DDB1: variants seen among roughly 807,000 people sequenced by gnomAD.
DDB1 encodes the protein DNA damage-binding protein 1.
In DDB1, 18 loss-of-function variants were observed where a neutral mutation model predicts 133.1. The observed-to-expected ratio is 0.14, with a 90% CI of 0.09 to 0.20. DDB1 has a LOEUF of 0.20. DDB1 is among the 10% of genes least tolerant of loss of function. The pLI, the probability that DDB1 is intolerant of heterozygous loss-of-function variation, is 1.00. For synonymous variants in DDB1, 580 were observed against 550.5 expected (o/e 1.05, Z -0.75); for missense variants, 828 against 1,459.2 (o/e 0.57, Z 7.05).
At chr11:61,308,089 T>C (rs1457174674) in intron 21 of DDB1, among the ~76,000 whole-genome samples, 1 of 152,186 alleles carries the variant, frequency 6.6e-6, no homozygotes, top group Non-Finnish European at 1.5e-5. Flanking sequence ...TTCAAACCCT[T>C]GCTCAAACCC....
chr11:61,303,725 C>G, intron 22 of DDB1, 140 bp downstream of exon 22: 1 of 239,924 alleles, frequency 4.2e-6, no homozygotes, highest in Non-Finnish European at 7.4e-6. Context: ...AAAAAAAAAA[C>G]TTAATCAATG....
chr11:61,328,400 T>C (rs931225506), intron 4 of DDB1, among the ~76,000 whole-genome samples: 2 of 152,232 alleles, frequency 1.3e-5, no homozygotes, highest in African/African-American at 4.8e-5. Flanking sequence ...TTCAGCCACA[T>C]GCAAATGAAA....
intron 16 of DDB1, among the ~76,000 whole-genome samples, chr11:61,312,401 T>C (rs1380063993): frequency 6.6e-6 from 1 of 152,118 alleles, no homozygotes; most frequent in Non-Finnish European, 1.5e-5. Context: ...CTGGAGGGCT[T>C]GTCAAAACAG....
rs1855998219 is a variant in DDB1 at position 61,312,716 on chromosome 11, A to G, written c.2070-632T>C. Among the ~76,000 whole-genome samples the G allele has an allele frequency of 2.0e-5, 3 of 151,866 alleles. No individual in the cohort carries two copies. In the South Asian group the frequency reaches 6.2e-4, roughly 32 times the overall value. On this transcript the variant is annotated intron_variant, in intron 16 of 26. Transcript: ENST00000301764. ...TGGGTTCAAGTGATTCTCCTGCCTC[A>G]GCCTCCTGAGTAGCTGGGATTACAG...
intron 2 of DDB1, 109 bp from the exon 3 acceptor site, chr11:61,330,183 C>T: frequency 1.2e-6 from 1 of 828,122 alleles, no homozygotes; most frequent in South Asian, 1.8e-5. Flanking sequence ...TTCTTCTCTC[C>T]CTAAAGAGAA....
Position 61,329,405 on chromosome 11 carries a change from G to A in DDB1, c.507C>T (p.Phe169=), listed in dbSNP as rs1856326510. 4 of 1,614,040 alleles carry A rather than the reference G, an allele frequency of 2.5e-6. No homozygotes were observed. In the East Asian group the frequency reaches 6.7e-5, roughly 27 times the overall value. ...LEELHVIDVK[F]LYGCQAPTIC... is the part of the protein sequence containing the mutation. ...TAGTAGGTGCTTGGCAACCATATAG[G>A]AACTTGACATCAATGACATGCAGCT... The change falls in exon 4 of 27, where the codon TTC becomes TTT. Residue 169 remains phenylalanine, a synonymous_variant. Transcript: ENST00000301764.
chr11:61,313,417 A>C, intron 16 of DDB1, 82 bp downstream of exon 16: 1 of 1,275,838 alleles, frequency 7.8e-7, no homozygotes, highest in East Asian at 2.3e-5. Context: ...CACCGGAAAA[A>C]GGCTTTGAGG....
intron 25 of DDB1, 189 bp from the exon 26 acceptor site, chr11:61,301,121 G>GA: frequency 1.3e-6 from 1 of 760,604 alleles, no homozygotes; most frequent in Non-Finnish European, 2.0e-6. Flanking sequence ...TAATCTAATT[G>GA]GTTCTCAATT....
intron 2 of DDB1, among the ~76,000 whole-genome samples, chr11:61,331,057 T>G (rs1241188958): frequency 6.6e-6 from 1 of 152,162 alleles, no homozygotes; most frequent in African/African-American, 2.4e-5. Context: ...ATCTGAAAGG[T>G]GCCTTAAGTG....
At chr11:61,308,542 A>G (rs28720334) in intron 21 of DDB1, among the ~76,000 whole-genome samples, 7,062 of 152,158 alleles carry the variant, frequency 0.046, 502 homozygotes, top group African/African-American at 0.15. Flanking sequence ...CAAGTTGTCC[A>G]TTTTCGATAT....
rs369074861 is a variant in DDB1, at chr11:61,310,277, G to C, written c.2401+18C>G. On this transcript the variant is annotated intron_variant, in intron 19 of 26. Transcript: ENST00000301764. ...AGGGAGGGCGTAGATAAAAATTATCGAAAGAGCTCATGTGCACCTTCAAAG... is the reference window on the plus strand; with the variant it reads ...AGGGAGGGCGTAGATAAAAATTATCCAAAGAGCTCATGTGCACCTTCAAAG... 4.4e-6 allele frequency: 7 copies of C among 1,599,328 alleles called. No individual in the cohort carries two copies. In the Admixed American group the frequency reaches 1.0e-4, roughly 24 times the overall value.
At chr11:61,310,157 TCA>T (rs1161565381) in intron 19 of DDB1, 136 bp downstream of exon 19, 1 of 1,395,694 alleles carries the variant, frequency 7.2e-7, no homozygotes, top group African/African-American at 1.4e-5. Flanking sequence ...CACTGCCATC[TCA>T]CAGAATTCCC....
At position 61,314,421 on chromosome 11, in the gene DDB1, C is replaced by T; in HGVS notation, c.1476G>A (p.Glu492=). ...EPKALVSEWK[E]PQAKNISVAS... ...CCACACTGATGTTCTTGGCCTGAGG[C>T]TCCTTCCATTCACTGACCAGAGCTT... Residue 492 remains glutamate (E), a synonymous_variant, in exon 13 of 27, where the codon GAG becomes GAA. Coordinates refer to ENST00000301764, the MANE Select transcript of DDB1 (RefSeq NM_001923.5). 1.2e-6 allele frequency: 2 copies of T among 1,614,234 alleles called. No homozygotes were observed. Among genetic ancestry groups the T allele is most frequent in the Non-Finnish European group, 1.7e-6 (2 of 1,180,028 alleles).
chr11:61,306,682 G>C (rs1304183793), intron 21 of DDB1, among the ~76,000 whole-genome samples: 1 of 152,094 alleles, frequency 6.6e-6, no homozygotes, highest in African/African-American at 2.4e-5. Flanking sequence ...CCTCTTCTCA[G>C]ATGCTCATAG....
Position 61,316,400 on chromosome 11 carries a change from C to T in DDB1, c.1302-7G>A, listed in dbSNP as rs376001303. 42 of 1,613,744 alleles carry T rather than the reference C, an allele frequency of 2.6e-5. No homozygotes were observed. The African/African-American group carries it at 5.3e-4, about 21-fold the overall frequency. ...TCCATTTAACATGAGAACTCTGCAG[C>T]AGAATGGAGGGCCTGGGTCAGCCTG... is the stretch of plus-strand genomic sequence containing the variant. On this transcript the variant is annotated splice_polypyrimidine_tract_variant and splice_region_variant and intron_variant, in intron 11 of 26. Coordinates refer to ENST00000301764, the MANE Select transcript of DDB1 (RefSeq NM_001923.5).
At chr11:61,318,500 A>G (rs960308324) in intron 10 of DDB1, among the ~76,000 whole-genome samples, 3 of 152,144 alleles carry the variant, frequency 2.0e-5, no homozygotes, top group Non-Finnish European at 4.4e-5. Context: ...TTTGGTGTTA[A>G]TGTGCATTTC....
At chr11:61,329,072 A>G (rs1352335157) in intron 4 of DDB1, among the ~76,000 whole-genome samples, 3 of 152,182 alleles carry the variant, frequency 2.0e-5, no homozygotes, top group Non-Finnish European at 2.9e-5. Flanking sequence ...AGAGAATCAA[A>G]GTATAAACTG....
rs751132356 is a variant in DDB1 at position 61,314,036 on chromosome 11, A to C, written c.1753+11T>G. On this transcript the variant is annotated intron_variant, in intron 14 of 26. Transcript: ENST00000301764. ...ACTCTGTCCCAACCCAGGTCCCTAA[A>C]TGACACATACCTCCACCCAGCATCT... is the stretch of plus-strand genomic sequence containing the variant. The C allele has an allele frequency of 1.2e-6, 2 of 1,613,982 alleles. No homozygotes were observed. Among genetic ancestry groups the C allele is most frequent in the Non-Finnish European group, 1.7e-6 (2 of 1,180,016 alleles).
intron 3 of DDB1, 137 bp downstream of exon 3, chr11:61,329,821 C>A: frequency 1.2e-6 from 1 of 825,322 alleles, no homozygotes; most frequent in African/African-American, 1.7e-5. Flanking sequence ...GTCCTTTCTC[C>A]AAAAAGCTCA....
Sources: gnomAD v4.1 joint callset for allele counts (sites outside exome capture counted in the v4.1 genomes callset) on GRCh38, gnomAD v4.1.1 for gene constraint, MANE v1.5 for transcripts, NCBI Gene and HGNC (gene_info 2026-07-23, HGNC 2026-07-21) for gene names.